PPIL6: variants seen among roughly 807,000 people sequenced by gnomAD.
PPIL6 encodes peptidylprolyl isomerase like 6, also known as probable inactive peptidyl-prolyl cis-trans isomerase-like 6.
PPIL6 carries 39 observed loss-of-function variants against 36.8 expected under a neutral mutation model. The observed-to-expected ratio is 1.06, with a 90% CI of 0.82 to 1.38. The LOEUF is 1.38. Ranked by LOEUF, PPIL6 falls within the 40% of genes most tolerant of loss-of-function variation. PPIL6 has a pLI of 0.00. For synonymous variants in PPIL6, 123 were observed against 134.1 expected (o/e 0.92, Z 0.57); for missense variants, 368 against 379.1 (o/e 0.97, Z 0.24).
chr6:109,429,695 G>C (rs1280667905), intron 3 of PPIL6, among the ~76,000 whole-genome samples: 1 of 152,106 alleles, frequency 6.6e-6, no homozygotes, highest in African/African-American at 2.4e-5. Flanking sequence ...TGTGAACAAG[G>C]GCCAGCAGTG....
chr6:109,398,376 C>T (rs1772388019), intron 7 of PPIL6, among the ~76,000 whole-genome samples: 1 of 152,254 alleles, frequency 6.6e-6, no homozygotes, highest in Non-Finnish European at 1.5e-5. Context: ...GAAAGCATTA[C>T]ACTAAAGGAA....
At chr6:109,434,954 G>C (rs926989850) in intron 2 of PPIL6, among the ~76,000 whole-genome samples, 2 of 152,192 alleles carry the variant, frequency 1.3e-5, no homozygotes, top group Non-Finnish European at 2.9e-5. Flanking sequence ...GCCCTAAGGT[G>C]TGGAGTTCTC....
At chr6:109,403,332 T>C (rs998730337) in intron 6 of PPIL6, among the ~76,000 whole-genome samples, 7 of 152,162 alleles carry the variant, frequency 4.6e-5, no homozygotes, top group Non-Finnish European at 8.8e-5. Flanking sequence ...TTTTTTCTAA[T>C]AGTAAATTTT....
intron 6 of PPIL6, among the ~76,000 whole-genome samples, chr6:109,404,704 G>A (rs1200376327): frequency 1.3e-5 from 2 of 152,212 alleles, no homozygotes; most frequent in African/African-American, 4.8e-5. Context: ...AGAGCTGTCT[G>A]CAGGAATTCA....
intron 6 of PPIL6, among the ~76,000 whole-genome samples, chr6:109,417,380 T>G (rs1401338580): frequency 4.8e-5 from 5 of 105,146 alleles, no homozygotes; most frequent in African/African-American, 2.5e-4. Flanking sequence ...AGACCCTGTC[T>G]CTATTTTTTT....
At chr6:109,398,537 T>C (rs2115196505) in intron 7 of PPIL6, among the ~76,000 whole-genome samples, 1 of 152,316 alleles carries the variant, frequency 6.6e-6, no homozygotes, top group South Asian at 2.1e-4. Context: ...AAGCCCTGCC[T>C]CATATTCACT....
At chr6:109,398,275 C>A (rs80099392) in intron 7 of PPIL6, among the ~76,000 whole-genome samples, 1 of 152,168 alleles carries the variant, frequency 6.6e-6, no homozygotes, top group Non-Finnish European at 1.5e-5. Flanking sequence ...CATTGTTTTA[C>A]GTTATGCATC....
intron 5 of PPIL6, among the ~76,000 whole-genome samples, chr6:109,421,461 T>C (rs1773534661): frequency 1.3e-5 from 2 of 152,216 alleles, no homozygotes; most frequent in Non-Finnish European, 1.5e-5. Flanking sequence ...GCTCTGAGGA[T>C]GAAATGAAAT....
intron 1 of PPIL6, among the ~76,000 whole-genome samples, chr6:109,438,392 C>A (rs570300485): frequency 6.6e-6 from 1 of 151,032 alleles, no homozygotes; most frequent in Non-Finnish European, 1.5e-5. Context: ...GCCTAGGCAA[C>A]ACAGTGAGAC....
At chr6:109,396,634 T>G (rs1254789341) in intron 7 of PPIL6, among the ~76,000 whole-genome samples, 2 of 152,096 alleles carry the variant, frequency 1.3e-5, no homozygotes, top group African/African-American at 4.8e-5. Context: ...CATGAAACTT[T>G]CCATGACCCC....
rs1582619829 is a variant in PPIL6 at position 109,440,583 on chromosome 6, C to G, written c.8G>C (p.Arg3Thr). The part of the protein sequence containing the change: MA[R>T]PQPCGPPHAR... ...GTGCGGGGGCCCGCACGGCTGCGGC[C>G]TTGCCATGGCCGCGCCCGGGGACGC... Residue 3 changes from arginine (R) to threonine (T), a missense_variant, in exon 1 of 8, where the codon AGG (arginine) becomes ACG (threonine). Physicochemically the swap from Arg to Thr is moderately conservative, Grantham distance 71. Coordinates refer to ENST00000521072, the MANE Select transcript of PPIL6 (RefSeq NM_173672.5). The G allele has an allele frequency of 2.2e-6, 3 of 1,367,998 alleles. No individual in the cohort carries two copies. The highest frequency in any genetic ancestry group is 4.0e-5 in the Admixed American group (1 of 25,060). 84.7% of individuals were successfully genotyped at this position (1,367,998 alleles called of 1,614,324 possible). A position where few individuals can be genotyped will look rare whatever the true frequency, so the allele number is the denominator to read the frequency against.
chr6:109,398,326 G>A (rs1772386721), intron 7 of PPIL6, among the ~76,000 whole-genome samples: 1 of 152,186 alleles, frequency 6.6e-6, no homozygotes, highest in Non-Finnish European at 1.5e-5. Flanking sequence ...TCCTATGGAT[G>A]AAAATACACT....
intron 7 of PPIL6, 79 bp downstream of exon 7, chr6:109,399,956 T>A: frequency 8.0e-7 from 1 of 1,246,802 alleles, no homozygotes; most frequent in Admixed American, 2.0e-5. Flanking sequence ...ATACACTATA[T>A]ACAATACTTA....
chr6:109,440,518 G>C lies in PPIL6; in HGVS notation c.73C>G (p.Gln25Glu). The C allele has an allele frequency of 6.6e-7, 1 of 1,510,050 alleles. No individual in the cohort carries two copies. Among genetic ancestry groups the C allele is most frequent in the Non-Finnish European group, 8.8e-7 (1 of 1,130,132 alleles). 93.5% of individuals were successfully genotyped at this position (1,510,050 alleles called of 1,614,324 possible). A position where few individuals can be genotyped will look rare whatever the true frequency, so the allele number is the denominator to read the frequency against. ...CTGAAGAGCCCCACCACCTTCACCT[G>C]CAGCGGCCGCTCCGGCAGCGACGGC... ...GSPSLPERPL[Q>E]VKVVGLFSCP... The change falls in exon 1 of 8, where the codon CAG becomes GAG. Residue 25 changes from glutamine to glutamate, a missense_variant. By Grantham distance (29) the Gln-to-Glu change is conservative (BLOSUM62 2). Transcript: ENST00000521072.
At chr6:109,410,877 C>T (rs761564857) in intron 6 of PPIL6, among the ~76,000 whole-genome samples, 1 of 152,112 alleles carries the variant, frequency 6.6e-6, no homozygotes, top group East Asian at 1.9e-4. Context: ...TTCCAGAAAA[C>T]AAAGGGTGTC....
At position 109,392,162 on chromosome 6, in the gene PPIL6, T is replaced by C. The variant is rs899450834; in HGVS notation, c.*664A>G. On this transcript the variant is annotated 3_prime_UTR_variant, in exon 8 of 8. Coordinates refer to ENST00000521072, the MANE Select transcript of PPIL6 (RefSeq NM_173672.5). The stretch of plus-strand genomic sequence containing the variant: ...AGCTCAAGAGACTGGGGCTGACATC[T>C]CTGCAGTACTTGGCCTTTCTTTTTT... 1.3e-5 allele frequency: 2 copies of C among 150,434 alleles called. No homozygotes were observed. Among genetic ancestry groups the C allele is most frequent in the Non-Finnish European group, 2.9e-5 (2 of 67,948 alleles). 9.3% of individuals were successfully genotyped at this position (150,434 alleles called of 1,614,324 possible). A position where few individuals can be genotyped will look rare whatever the true frequency, so the allele number is the denominator to read the frequency against.
At position 109,400,097 on chromosome 6, in the gene PPIL6, C is replaced by G; in HGVS notation, c.762G>C (p.Gly254=). 2 of 1,613,778 alleles carry G rather than the reference C, an allele frequency of 1.2e-6. No homozygotes were observed. Among genetic ancestry groups the G allele is most frequent in the Non-Finnish European group, 1.7e-6 (2 of 1,179,778 alleles). The part of the protein sequence containing the change: ...GMANKGRHSN[G]SQFYITLQAT... Reference sequence around the variant, plus strand: ...CTTGCAGTGTGATATAGAATTGTGACCCGTTGCTGTGACGGCCTTTGTTGG... The same window carrying G: ...CTTGCAGTGTGATATAGAATTGTGAGCCGTTGCTGTGACGGCCTTTGTTGG... The change falls in exon 7 of 8, where the codon GGG becomes GGC. Residue 254 remains glycine, a synonymous_variant. Coordinates refer to ENST00000521072, the MANE Select transcript of PPIL6 (RefSeq NM_173672.5).
chr6:109,438,726 T>A (rs1774597670), intron 1 of PPIL6, among the ~76,000 whole-genome samples: 1 of 151,962 alleles, frequency 6.6e-6, no homozygotes, highest in South Asian at 2.1e-4. Flanking sequence ...GTAGCTGGGA[T>A]TACAGGCGCC....
chr6:109,427,099 A>G lies in PPIL6; in HGVS notation c.478T>C (p.Phe160Leu). ...IDSSPIGRLIFELYCDVCPKT... is the reference protein window; with the variant it reads ...IDSSPIGRLILELYCDVCPKT... ...CATATAAAAAAAAGTATCACCTCAAAAATCAATCTTCCAATTGGAGAAGAA... is the reference window on the plus strand; with the variant it reads ...CATATAAAAAAAAGTATCACCTCAAGAATCAATCTTCCAATTGGAGAAGAA... The change falls in exon 4 of 8, where the codon TTT becomes CTT. Residue 160 changes from phenylalanine (F) to leucine (L), a missense_variant. By Grantham distance (22) the Phe-to-Leu change is conservative. Coordinates refer to ENST00000521072, the MANE Select transcript of PPIL6 (RefSeq NM_173672.5). The G allele has an allele frequency of 6.2e-7, 1 of 1,611,150 alleles. No individual in the cohort carries two copies. Among genetic ancestry groups the G allele is most frequent in the African/African-American group, 1.3e-5 (1 of 74,996 alleles).
Sources: allele counts gnomAD v4.1 joint callset (sites outside exome capture counted in the v4.1 genomes callset), GRCh38; gene constraint gnomAD v4.1.1; transcripts MANE v1.5; gene names NCBI Gene and HGNC (gene_info 2026-07-23, HGNC 2026-07-21).